MUC5B: variants seen among roughly 807,000 people sequenced by gnomAD.
MUC5B encodes the protein mucin-5B.
MUC5B carries 116 observed loss-of-function variants against 376.9 expected under a neutral mutation model. The observed-to-expected ratio is 0.31, with a 90% CI of 0.26 to 0.36. The LOEUF (loss-of-function observed/expected upper bound fraction) is 0.36, where lower values mean the gene tolerates loss of function less well. MUC5B is among the 10% of genes least tolerant of loss of function. MUC5B has a pLI of 1.00. For missense variants in MUC5B, 7,165 were observed against 7,769.9 expected (o/e 0.92, Z 2.93); for synonymous variants, 3,517 against 3,390.9 (o/e 1.04, Z -1.29).
rs531601001 is a variant in MUC5B, at chr11:1,228,651, G to T, written c.862G>T (p.Ala288Ser). The part of the protein sequence containing the change: ...VDSTAYLAAC[A>S]QDLCRCPTCP... Reference sequence around the variant, plus strand: ...CAGCACTGCGTACCTGGCCGCCTGCGCCCAGGACCTGTGCCGCTGCCCCAC... The same window carrying T: ...CAGCACTGCGTACCTGGCCGCCTGCTCCCAGGACCTGTGCCGCTGCCCCAC... Residue 288 changes from alanine (A) to serine (S), a missense_variant, in exon 8 of 49, where the codon GCC (alanine) becomes TCC (serine). Ala to Ser is a moderately conservative substitution (Grantham distance 99). This residue lies in a region of MUC5B where 640 missense variants were observed against 733.0 expected (regional missense o/e 0.87). Transcript: ENST00000529681. 1.0e-5 allele frequency: 16 copies of T among 1,534,344 alleles called. No individual in the cohort carries two copies. The highest frequency in any genetic ancestry group is 2.3e-4 in the Middle Eastern group (1 of 4,394).
chr11:1,244,201 A>G lies in MUC5B; in HGVS notation c.7321A>G (p.Thr2441Ala). Residue 2441 changes from threonine (T) to alanine (A), a missense_variant, in exon 31 of 49, where the codon ACA becomes GCA. Thr to Ala is a moderately conservative substitution (Grantham distance 58). Coordinates refer to ENST00000529681, the MANE Select transcript of MUC5B (RefSeq NM_002458.3). ...GTTWILTELT[T>A]TATTTESTGS... ...GACCTGGATCCTCACAGAGCTGACC[A>G]CAACAGCCACTACGACTGAGTCCAC... 1 of 1,612,300 alleles carries G rather than the reference A, an allele frequency of 6.2e-7. No homozygotes were observed. Among genetic ancestry groups the G allele is most frequent in the Non-Finnish European group, 8.5e-7 (1 of 1,178,866 alleles).
In MUC5B at chr11:1,249,905, C is replaced by G. The variant is rs1862620635; in HGVS notation, c.13025C>G (p.Thr4342Ser). 6.2e-7 allele frequency: 1 copy of G among 1,613,704 alleles called. No individual in the cohort carries two copies. Among genetic ancestry groups the G allele is most frequent in the Non-Finnish European group, 8.5e-7 (1 of 1,179,796 alleles). ...GTTGTLPEQT[T>S]TPVATMSTIH... is the part of the protein sequence containing the mutation. ...ACCGGGACCCTCCCAGAACAGACCACCACACCCGTGGCCACCATGTCCACA... is the reference window on the plus strand; with the variant it reads ...ACCGGGACCCTCCCAGAACAGACCAGCACACCCGTGGCCACCATGTCCACA... Residue 4342 changes from threonine (T) to serine (S), a missense_variant, in exon 31 of 49, where the codon ACC (threonine) becomes AGC (serine). Thr to Ser is a moderately conservative substitution (Grantham distance 58). This residue lies in a region of MUC5B where 431 missense variants were observed against 390.4 expected (regional missense o/e 1.10). Coordinates refer to ENST00000529681, the MANE Select transcript of MUC5B (RefSeq NM_002458.3).
chr11:1,242,329 G>A lies in MUC5B; in HGVS notation c.5449G>A (p.Ala1817Thr). The change falls in exon 31 of 49, where the codon GCT becomes ACT. Residue 1817 changes from alanine to threonine, a missense_variant. This residue lies in a region of MUC5B where 897 missense variants were observed against 779.6 expected (regional missense o/e 1.15). Coordinates refer to ENST00000529681, the MANE Select transcript of MUC5B (RefSeq NM_002458.3). ...GGAAACTTTTGAAAACATCAGGGCT[G>A]CTGGGGGCAAGATGTGCTGGGCACC... ...DMETFENIRAAGGKMCWAPKS... is the reference protein window; with the variant it reads ...DMETFENIRATGGKMCWAPKS... 1 of 1,613,910 alleles carries A rather than the reference G, an allele frequency of 6.2e-7. No individual in the cohort carries two copies. Among genetic ancestry groups the A allele is most frequent in the Non-Finnish European group, 8.5e-7 (1 of 1,179,860 alleles).
chr11:1,230,462 C>T (rs1861999665), intron 11 of MUC5B, 28 bp from the exon 12 acceptor site: 2 of 1,557,174 alleles, frequency 1.3e-6, no homozygotes, highest in East Asian at 2.4e-5. Flanking sequence ...GAGCCAGGCC[C>T]AATGCACGCG....
chr11:1,225,832 G>A, intron 2 of MUC5B, 95 bp downstream of exon 2: 1 of 1,224,214 alleles, frequency 8.2e-7, no homozygotes, highest in Admixed American at 2.1e-5. Flanking sequence ...AAGCAGCCAT[G>A]CGTCTGACAG....
At position 1,241,185 on chromosome 11, in the gene MUC5B, C is replaced by T; in HGVS notation, c.4305C>T (p.Ser1435=). Residue 1435 remains serine (S), a synonymous_variant, in exon 31 of 49, where the codon TCC becomes TCT. Transcript: ENST00000529681. ...LCCEYVPCGP[S]PAPGTSPQPS... ...GCGAATACGTGCCCTGTGGCCCCTC[C>T]CCGGCCCCAGGCACCAGCCCTCAGC... 1 of 1,596,174 alleles carries T rather than the reference C, an allele frequency of 6.3e-7. No homozygotes were observed. Among genetic ancestry groups the T allele is most frequent in the Admixed American group, 1.7e-5 (1 of 57,206 alleles).
In MUC5B at chr11:1,238,975, G is replaced by C. The variant is rs1862216643; in HGVS notation, c.3402G>C (p.Gln1134His). Reference protein sequence around the residue: ...CFCTAVAAYAQACHDAGLCVS... With the variant: ...CFCTAVAAYAHACHDAGLCVS... ...GCACGGCTGTGGCTGCCTACGCCCA[G>C]GCCTGCCACGACGCGGGCCTGTGTG... Residue 1134 changes from glutamine (Q) to histidine (H), a missense_variant, in exon 26 of 49, where the codon CAG (glutamine) becomes CAC (histidine). Coordinates refer to ENST00000529681, the MANE Select transcript of MUC5B (RefSeq NM_002458.3). 2 of 1,571,764 alleles carry C rather than the reference G, an allele frequency of 1.3e-6. No homozygotes were observed. Among genetic ancestry groups the C allele is most frequent in the Admixed American group, 1.9e-5 (1 of 53,674 alleles).
chr11:1,233,664 C>A, intron 18 of MUC5B, 129 bp from the exon 19 acceptor site: 1 of 852,710 alleles, frequency 1.2e-6, no homozygotes, highest in Non-Finnish European at 1.9e-6. Context: ...CAGCAGCAGG[C>A]ACCGTCTGGC....
rs749239063 is a variant in MUC5B at position 1,258,249 on chromosome 11, G to A, written c.16555+46G>A. 1 of 1,576,542 alleles carries A rather than the reference G, an allele frequency of 6.3e-7. No homozygotes were observed. Among genetic ancestry groups the A allele is most frequent in the Non-Finnish European group, 8.6e-7 (1 of 1,161,118 alleles). ...GCTCCTGGGTGGCCTCTTGCTGGGG[G>A]TGGGGGAGTGCAGGATGGTGGGGGC... On this transcript the variant is annotated intron_variant, in intron 42 of 48. Coordinates refer to ENST00000529681, the MANE Select transcript of MUC5B (RefSeq NM_002458.3). This position sits in a 1 kb window ranked among gnomAD's most constrained non-coding sequence, Gnocchi z 5.5.
In MUC5B at chr11:1,258,008, G is replaced by C. The variant is rs970096114; in HGVS notation, c.16451-91G>C. On this transcript the variant is annotated intron_variant, in intron 41 of 48. Transcript: ENST00000529681. This position sits in a 1 kb window ranked among gnomAD's most constrained non-coding sequence, Gnocchi z 5.5. Reference sequence around the variant, plus strand: ...GGGGCTGTGAAGCGGTCAGGTCCTCGGGGAAAAGCACGCCTGCGACTTACT... The same window carrying C: ...GGGGCTGTGAAGCGGTCAGGTCCTCCGGGAAAAGCACGCCTGCGACTTACT... 2.3e-6 allele frequency: 3 copies of C among 1,318,326 alleles called. No homozygotes were observed. The highest frequency in any genetic ancestry group is 1.3e-5 in the South Asian group (1 of 74,814). 81.7% of individuals were successfully genotyped at this position (1,318,326 alleles called of 1,614,324 possible).
chr11:1,241,538 G>A lies in MUC5B; in HGVS notation c.4658G>A (p.Ser1553Asn), dbSNP rs1216158102. The A allele has an allele frequency of 6.2e-7, 1 of 1,612,718 alleles. No individual in the cohort carries two copies. Among genetic ancestry groups the A allele is most frequent in the Non-Finnish European group, 8.5e-7 (1 of 1,179,548 alleles). ...QPKDIECQAE[S>N]FPNWTLAQVG... is the part of the protein sequence containing the mutation. ...AAGGACATAGAGTGCCAGGCCGAGA[G>A]CTTCCCCAACTGGACCCTGGCACAG... The change falls in exon 31 of 49, where the codon AGC becomes AAC. Residue 1553 changes from serine to asparagine, a missense_variant. Coordinates refer to ENST00000529681, the MANE Select transcript of MUC5B (RefSeq NM_002458.3).
intron 30 of MUC5B, among the ~76,000 whole-genome samples, 196 bp from the exon 31 acceptor site, chr11:1,240,655 C>T (rs1403896861): frequency 1.3e-5 from 2 of 152,244 alleles, no homozygotes; most frequent in African/African-American, 2.4e-5. Context: ...CAGCCAGCTC[C>T]CTCAAGGCCA....
Position 1,244,601 on chromosome 11 carries a change from T to C in MUC5B, c.7721T>C (p.Val2574Ala), listed in dbSNP as rs200031789. Residue 2574 changes from valine to alanine, a missense_variant, in exon 31 of 49, where the codon GTC becomes GCC. This residue lies in a region of MUC5B where 194 missense variants were observed against 268.5 expected (regional missense o/e 0.72). Coordinates refer to ENST00000529681, the MANE Select transcript of MUC5B (RefSeq NM_002458.3). ...TATPSSTPET[V>A]HTSTVLTTTA... ...ACACCCTCCTCCACTCCAGAGACTG[T>C]CCACACCTCCACAGTGCTTACCACC... 26,253 of 1,539,628 alleles carry C rather than the reference T, an allele frequency of 0.017. 60 individuals carry two copies. The highest frequency in any genetic ancestry group is 0.019 in the Middle Eastern group (109 of 5,832).
In MUC5B at chr11:1,241,357, G is replaced by A. The variant is rs777896951; in HGVS notation, c.4477G>A (p.Val1493Ile). The A allele has an allele frequency of 3.1e-6, 5 of 1,612,486 alleles. No individual in the cohort carries two copies. The highest frequency in any genetic ancestry group is 2.7e-5 in the African/African-American group (2 of 74,880). Residue 1493 changes from valine (V) to isoleucine (I), a missense_variant, in exon 31 of 49, where the codon GTC (valine) becomes ATC (isoleucine). By Grantham distance (29) the Val-to-Ile change is conservative. Coordinates refer to ENST00000529681, the MANE Select transcript of MUC5B (RefSeq NM_002458.3). ...TGGGTCCAGCTCAGGCCCCGTGACG[G>A]TCACCCCCTCGGCCCCAGGTACCAC... ...QTGSSSGPVTVTPSAPGTTTC... is the reference protein window; with the variant it reads ...QTGSSSGPVTITPSAPGTTTC...
intron 11 of MUC5B, 58 bp from the exon 12 acceptor site, chr11:1,230,432 G>T (rs1349646137): frequency 4.8e-6 from 7 of 1,466,912 alleles, no homozygotes; most frequent in South Asian, 1.3e-5. Context: ...GCACACTTCT[G>T]GGGGGCACCC....
rs146137912 is a variant in MUC5B, at chr11:1,259,779, C to G, written c.16737C>G (p.Ala5579=). ...CPQGFEYKRV[A]GQCCGECVQT... ...AGGGCTTTGAGTACAAGAGAGTGGC[C>G]GGGCAGTGCTGTGGGGAGTGCGTCC... is the stretch of plus-strand genomic sequence containing the variant. The change falls in exon 45 of 49, where the codon GCC becomes GCG. Residue 5579 remains alanine, a synonymous_variant. Coordinates refer to ENST00000529681, the MANE Select transcript of MUC5B (RefSeq NM_002458.3). 1.2e-6 allele frequency: 2 copies of G among 1,612,262 alleles called. No individual in the cohort carries two copies. Among genetic ancestry groups the G allele is most frequent in the East Asian group, 2.2e-5 (1 of 44,896 alleles).
intron 19 of MUC5B, 102 bp downstream of exon 19, chr11:1,233,950 G>T: frequency 8.1e-7 from 1 of 1,231,244 alleles, no homozygotes; most frequent in South Asian, 1.3e-5. Context: ...CCTGAACCCT[G>T]CCGGGCCAGG....
At chr11:1,261,094 A>G (rs866672788) in intron 48 of MUC5B, among the ~76,000 whole-genome samples, 3 of 152,184 alleles carry the variant, frequency 2.0e-5, no homozygotes, top group African/African-American at 7.2e-5. Context: ...ACCCTTAGCT[A>G]GAAGAGGCAG....
chr11:1,254,358 C>T lies in MUC5B; in HGVS notation c.15477+7C>T, dbSNP rs56172849. On this transcript the variant is annotated splice_region_variant and intron_variant, in intron 34 of 48. Coordinates refer to ENST00000529681, the MANE Select transcript of MUC5B (RefSeq NM_002458.3). ...TGGGAAGGAGGAGGGCCTGGTGAGT[C>T]CAGGCTGCGGGTGGCACAGTGTTGG... 1.3e-6 allele frequency: 2 copies of T among 1,599,286 alleles called. No individual in the cohort carries two copies. Among genetic ancestry groups the T allele is most frequent in the South Asian group, 1.1e-5 (1 of 91,028 alleles).
Sources: allele counts gnomAD v4.1 joint callset (sites outside exome capture counted in the v4.1 genomes callset), GRCh38; gene constraint gnomAD v4.1.1; regional missense constraint gnomAD v4.1.1; non-coding constraint Gnocchi (gnomAD v3.1); transcripts MANE v1.5; gene names NCBI Gene and HGNC (gene_info 2026-07-23, HGNC 2026-07-21).